CNTN1: variants seen among roughly 807,000 people sequenced by gnomAD.
CNTN1 encodes contactin 1.
Under a neutral mutation model 126.4 loss-of-function variants are expected in CNTN1, and 38 were observed. That is an observed-to-expected ratio of 0.30 (90% CI 0.23 to 0.39). The LOEUF (loss-of-function observed/expected upper bound fraction) is 0.39. Ranked by LOEUF, CNTN1 falls within the 10% of genes least tolerant of loss-of-function variation. CNTN1 has a pLI of 1.00. For missense variants in CNTN1, 1,009 were observed against 1,248.4 expected, an observed-to-expected ratio of 0.81 and a Z score of 2.89; for synonymous variants, 413 against 422.6, an observed-to-expected ratio of 0.98 and a Z score of 0.28.
At chr12:40,832,810 T>C (rs1330126023) in intron 1 of CNTN1, among the ~76,000 whole-genome samples, 1 of 152,086 alleles carries the variant, frequency 6.6e-6, no homozygotes, top group Non-Finnish European at 1.5e-5. Context: ...CCACCTTCCT[T>C]ATCTGGGCTC....
chr12:40,937,935 A>G (rs1946135719), intron 11 of CNTN1, among the ~76,000 whole-genome samples: 1 of 152,188 alleles, frequency 6.6e-6, no homozygotes, highest in Non-Finnish European at 1.5e-5. Context: ...CTAGGAGCAC[A>G]TTAGAAGTGC....
intron 6 of CNTN1, 139 bp downstream of exon 6, chr12:40,924,791 A>C (rs1174891552): frequency 1.6e-6 from 1 of 629,262 alleles, no homozygotes; most frequent in Non-Finnish European, 3.0e-6. Flanking sequence ...CATACCTTGT[A>C]ATGTGTCACT....
chr12:40,804,297 A>T (rs1940763029), intron 1 of CNTN1, among the ~76,000 whole-genome samples: 1 of 152,092 alleles, frequency 6.6e-6, no homozygotes, highest in Non-Finnish European at 1.5e-5. Flanking sequence ...ATTCAAAACA[A>T]ATGTTGACAA....
chr12:40,832,955 T>G (rs1157075422), intron 1 of CNTN1, among the ~76,000 whole-genome samples: 1 of 152,280 alleles, frequency 6.6e-6, no homozygotes, highest in South Asian at 2.1e-4. Context: ...AACCACACAG[T>G]TCCCCCTCTC....
chr12:40,862,208 TACACACACACAC>T (rs145686900), intron 1 of CNTN1, among the ~76,000 whole-genome samples: 2 of 147,254 alleles, frequency 1.4e-5, no homozygotes, highest in Non-Finnish European at 3.0e-5. Context: ...TGTCTCTTAA[TACACACACACAC>T]ACACACACAC....
At chr12:40,836,963 T>C (rs1942082907) in intron 1 of CNTN1, among the ~76,000 whole-genome samples, 1 of 152,210 alleles carries the variant, frequency 6.6e-6, no homozygotes, top group South Asian at 2.1e-4. Context: ...ATCACCATAA[T>C]TTTGCTAAAT....
intron 1 of CNTN1, among the ~76,000 whole-genome samples, chr12:40,763,800 A>G (rs1402076803): frequency 2.6e-5 from 4 of 152,220 alleles, no homozygotes; most frequent in African/African-American, 9.6e-5. Flanking sequence ...CCTCACAATC[A>G]CAAAATCTTA....
intron 1 of CNTN1, among the ~76,000 whole-genome samples, chr12:40,814,075 C>A (rs1179192518): frequency 6.6e-6 from 1 of 151,984 alleles, no homozygotes; most frequent in Non-Finnish European, 1.5e-5. Context: ...CGTTTAAGTT[C>A]CCTATAAATT....
At chr12:40,714,732 G>T (rs1942006222) in intron 1 of CNTN1, among the ~76,000 whole-genome samples, 1 of 152,094 alleles carries the variant, frequency 6.6e-6, no homozygotes, top group African/African-American at 2.4e-5. Context: ...TATATCATAT[G>T]AATATTCTGC....
At chr12:40,852,145 C>G (rs532718261) in intron 1 of CNTN1, among the ~76,000 whole-genome samples, 3 of 151,914 alleles carry the variant, frequency 2.0e-5, no homozygotes, top group Non-Finnish European at 4.4e-5. Context: ...AGCAGAGAGG[C>G]CTTCAGCTAC....
intron 17 of CNTN1, among the ~76,000 whole-genome samples, chr12:41,004,622 C>T (rs1485549496): frequency 2.0e-5 from 3 of 152,116 alleles, no homozygotes; most frequent in Non-Finnish European, 4.4e-5. Flanking sequence ...GTGCTCCTGT[C>T]TTAGGTGTAT....
chr12:41,037,431 G>A (rs1347466604), intron 23 of CNTN1, among the ~76,000 whole-genome samples: 2 of 151,958 alleles, frequency 1.3e-5, no homozygotes, highest in Non-Finnish European at 2.9e-5. Context: ...ATTGGCTACA[G>A]TATTCAGCAC....
chr12:40,791,308 A>G (rs1940212490), intron 1 of CNTN1, among the ~76,000 whole-genome samples: 1 of 152,140 alleles, frequency 6.6e-6, no homozygotes, highest in South Asian at 2.1e-4. Flanking sequence ...TGTTCCTGAC[A>G]ATACGTATAC....
In CNTN1 at chr12:41,042,934, A is replaced by C. The variant is rs1027136337; in HGVS notation, c.2980+13715A>C. On this transcript the variant is annotated intron_variant, in intron 23 of 23. Coordinates refer to ENST00000551295, the MANE Select transcript of CNTN1 (RefSeq NM_001843.4). ...CTATTTAATAAATGGTGCTGGGAAA[A>C]CTGGCTAGCCATATGTAGAAAGCTG... is the stretch of plus-strand genomic sequence containing the variant. Among the ~76,000 whole-genome samples, 216 of 152,280 alleles carry C rather than the reference A, an allele frequency of 1.4e-3. 1 individual carries two copies. The highest frequency in any genetic ancestry group is 4.9e-3 in the African/African-American group (202 of 41,552).
intron 23 of CNTN1, among the ~76,000 whole-genome samples, chr12:41,041,327 T>C (rs940968291): frequency 2.0e-5 from 3 of 152,234 alleles, no homozygotes; most frequent in African/African-American, 4.8e-5. Context: ...CAGTATTTTA[T>C]TGAGGATTTT....
At chr12:40,826,569 C>T (rs886184222) in intron 1 of CNTN1, among the ~76,000 whole-genome samples, 4 of 152,202 alleles carry the variant, frequency 2.6e-5, no homozygotes, top group African/African-American at 9.6e-5. Flanking sequence ...ACTGTCTTCT[C>T]TATGGCTCAG....
rs1948789841 is a variant in CNTN1, at chr12:41,016,735, T to A, written c.2238T>A (p.Phe746Leu). Reference protein sequence around the residue: ...YGNNFGYIVAFKPFDGEEWKK... With the variant: ...YGNNFGYIVALKPFDGEEWKK... ...ACAATTTTGGTTACATAGTGGCATT[T>A]AAGCCATTTGATGGAGAAGAATGGA... is the stretch of plus-strand genomic sequence containing the variant. The change falls in exon 19 of 24, where the codon TTT becomes TTA. Residue 746 changes from phenylalanine to leucine, a missense_variant. Physicochemically the swap from Phe to Leu is conservative, Grantham distance 22. Transcript: ENST00000551295. 3.1e-6 allele frequency: 5 copies of A among 1,614,146 alleles called. No homozygotes were observed. The highest frequency in any genetic ancestry group is 4.2e-6 in the Non-Finnish European group (5 of 1,180,014).
chr12:40,828,594 T>C (rs547474468), intron 1 of CNTN1, among the ~76,000 whole-genome samples: 19 of 152,220 alleles, frequency 1.2e-4, no homozygotes, highest in African/African-American at 4.1e-4. Flanking sequence ...AATCAATAAG[T>C]GGAAATTACC....
At chr12:40,915,334 A>C (rs1945191154) in intron 3 of CNTN1, among the ~76,000 whole-genome samples, 1 of 152,164 alleles carries the variant, frequency 6.6e-6, no homozygotes, top group South Asian at 2.1e-4. Flanking sequence ...CTTTTAAGGA[A>C]GCAAATGAAA....
Sources: gnomAD v4.1 joint callset for allele counts (sites outside exome capture counted in the v4.1 genomes callset) on GRCh38, gnomAD v4.1.1 for gene constraint, MANE v1.5 for transcripts, NCBI Gene and HGNC (gene_info 2026-07-23, HGNC 2026-07-21) for gene names.